Variants in TENM2 observed in about 807,000 individuals in gnomAD.
The protein encoded by TENM2 is teneurin-2.
A neutral mutation model predicts 245.2 loss-of-function variants in TENM2; 52 were observed. The ratio of observed to expected loss-of-function variants is 0.21; its 90% CI spans 0.17 to 0.27. TENM2 has a LOEUF of 0.27. TENM2 is among the 10% of genes least tolerant of loss of function. TENM2 has a pLI of 1.00. For synonymous variants in TENM2, 1,363 were observed against 1,438.9 expected (o/e 0.95, Z 1.19); for missense variants, 3,046 against 3,666.8 (o/e 0.83, Z 4.37).
chr5:168,004,167 T>C (rs1784621823), intron 5 of TENM2, among the ~76,000 whole-genome samples: 1 of 152,210 alleles, frequency 6.6e-6, no homozygotes, highest in Admixed American at 6.5e-5. Flanking sequence ...AGGGCATTCA[T>C]GAACGTCTTC....
chr5:167,018,840 A>G, the TENM2 span, among the ~76,000 whole-genome samples: 706 of 152,332 alleles, frequency 4.6e-3, 7 homozygotes, highest in African/African-American at 0.014. Context: ...AAAAGAAGCA[A>G]TTCTGTTCTT....
At chr5:167,972,900 C>G (rs1781898515) in intron 4 of TENM2, among the ~76,000 whole-genome samples, 1 of 152,158 alleles carries the variant, frequency 6.6e-6, no homozygotes, top group African/African-American at 2.4e-5. Flanking sequence ...GAAAATCTGA[C>G]TCTCTCACTC....
At chr5:167,360,828 T>TTAA (rs1338249847) in intron 1 of TENM2, among the ~76,000 whole-genome samples, 1 of 152,148 alleles carries the variant, frequency 6.6e-6, no homozygotes. Flanking sequence ...GGAAGTTTAA[T>TTAA]TAGAGTGCGT....
At chr5:167,140,004 T>A in the TENM2 span, among the ~76,000 whole-genome samples, 2 of 152,176 alleles carry the variant, frequency 1.3e-5, no homozygotes, top group Admixed American at 1.3e-4. Flanking sequence ...TTTTTGCAGA[T>A]GATGAGATTT....
chr5:167,513,856 GTCA>G (rs1281687144), intron 2 of TENM2, among the ~76,000 whole-genome samples: 1 of 152,156 alleles, frequency 6.6e-6, no homozygotes, highest in Non-Finnish European at 1.5e-5. Context: ...TTGGCGAGCA[GTCA>G]TCATCCTGCT....
intron 6 of TENM2, among the ~76,000 whole-genome samples, chr5:168,054,137 T>G (rs901667420): frequency 6.6e-6 from 1 of 152,182 alleles, no homozygotes; most frequent in African/African-American, 2.4e-5. Flanking sequence ...AGCAACAAAT[T>G]GAAATTTCAA....
the TENM2 span, among the ~76,000 whole-genome samples, chr5:167,044,029 T>G: frequency 0.62 from 86,907 of 141,308 alleles, 27,705 homozygotes; most frequent in African/African-American, 0.83. Flanking sequence ...AAATAAATAG[T>G]AAGGACAGAA....
At chr5:167,577,237 A>G (rs1292947283) in intron 2 of TENM2, among the ~76,000 whole-genome samples, 1 of 152,198 alleles carries the variant, frequency 6.6e-6, no homozygotes, top group Non-Finnish European at 1.5e-5. Flanking sequence ...AGGGAAGTGT[A>G]TATGTTTTTT....
chr5:167,385,730 T>C (rs1254437160), intron 2 of TENM2, among the ~76,000 whole-genome samples: 1 of 152,022 alleles, frequency 6.6e-6, no homozygotes, highest in Non-Finnish European at 1.5e-5. Context: ...ATACCTTAGC[T>C]CCCACTTATA....
chr5:167,043,928 G>C, the TENM2 span, among the ~76,000 whole-genome samples: 1 of 151,878 alleles, frequency 6.6e-6, no homozygotes, highest in African/African-American at 2.4e-5. Context: ...GCTGAGGCAG[G>C]AGAATCGCTT....
chr5:167,253,113 G>A, the TENM2 span, among the ~76,000 whole-genome samples: 5 of 151,692 alleles, frequency 3.3e-5, no homozygotes, highest in East Asian at 3.9e-4. Flanking sequence ...TTATTTTTGA[G>A]ACAGGGTTCA....
Position 167,414,890 on chromosome 5 carries a change from C to T in TENM2, c.502+39417C>T, listed in dbSNP as rs116524865. Among the ~76,000 whole-genome samples, 363 of 152,058 alleles carry T rather than the reference C, an allele frequency of 2.4e-3. 1 individual carries two copies. The highest frequency in any genetic ancestry group is 8.2e-3 in the African/African-American group (339 of 41,486). ...GGAAAAAATAATCAGTGGAAGAATC[C>T]GATATTCAAATTTTCATAATTTGCT... On this transcript the variant is annotated intron_variant, in intron 2 of 28. Transcript: ENST00000518659.
rs184937892 is a variant in TENM2, at chr5:167,702,976, C to A, written c.503-173010C>A. On this transcript the variant is annotated intron_variant, in intron 2 of 28. Coordinates refer to ENST00000518659, the Ensembl canonical transcript of TENM2. Reference sequence around the variant, plus strand: ...CCACGCCCAGCCACTTTTTTATTTTCTTCAAAAGTCCTTGCTTACACACAC... The same window carrying A: ...CCACGCCCAGCCACTTTTTTATTTTATTCAAAAGTCCTTGCTTACACACAC... 2.4e-3 allele frequency among the ~76,000 whole-genome samples: 367 copies of A among 152,190 alleles called. 2 individuals carry two copies. Among genetic ancestry groups the A allele is most frequent in the African/African-American group, 8.5e-3 (353 of 41,564 alleles).
intron 13 of TENM2, among the ~76,000 whole-genome samples, chr5:168,170,543 GAGGAAGGAAGAAAGGA>G (rs1379242774): frequency 1.3e-5 from 2 of 152,028 alleles, no homozygotes; most frequent in Admixed American, 6.6e-5. Flanking sequence ...AGGAGGGAGG[GAGGAAGGAAGAAAGGA>G]AGGAAGGAAG....
intron 4 of TENM2, among the ~76,000 whole-genome samples, chr5:167,988,306 C>T (rs111674824): frequency 2.0e-5 from 3 of 152,098 alleles, no homozygotes; most frequent in Non-Finnish European, 2.9e-5. Flanking sequence ...GTTGAGTTCC[C>T]CCACTGTAAG....
chr5:167,463,009 A>G (rs1271481632), intron 2 of TENM2, among the ~76,000 whole-genome samples: 2 of 152,198 alleles, frequency 1.3e-5, no homozygotes, highest in African/African-American at 4.8e-5. Flanking sequence ...TAGTTGTAAC[A>G]TTCAAGAGGA....
intron 23 of TENM2, among the ~76,000 whole-genome samples, chr5:168,219,824 C>G (rs1395583711): frequency 2.0e-5 from 1 of 49,822 alleles, no homozygotes; most frequent in Non-Finnish European, 3.4e-5. Context: ...GTTGGCACAG[C>G]AAAAAAAAAA....
chr5:167,476,857 C>A (rs920921005), intron 2 of TENM2, among the ~76,000 whole-genome samples: 13 of 152,140 alleles, frequency 8.5e-5, no homozygotes, highest in African/African-American at 3.1e-4. Flanking sequence ...CCCTGGCCTC[C>A]CAAAGTGCTG....
At chr5:167,872,540 GAAAGAAAGAGAA>G (rs1235813410) in intron 2 of TENM2, among the ~76,000 whole-genome samples, 867 of 49,276 alleles carry the variant, frequency 0.018, 3 homozygotes, top group African/African-American at 0.023. Flanking sequence ...AAGAAAGAAA[GAAAGAAAGAGAA>G]AGAAAGAAAG....
Sources: gnomAD v4.1 joint callset for allele counts (sites outside exome capture counted in the v4.1 genomes callset) on GRCh38, gnomAD v4.1.1 for gene constraint, MANE v1.5 for transcripts, NCBI Gene and HGNC (gene_info 2026-07-23, HGNC 2026-07-21) for gene names.